NEDD4L: variants seen among roughly 807,000 people sequenced by gnomAD.
The protein encoded by NEDD4L is NEDD4 like E3 ubiquitin protein ligase, also known as E3 ubiquitin-protein ligase NEDD4-like.
Under a neutral mutation model 148.9 loss-of-function variants are expected in NEDD4L, and 54 were observed. That is an observed-to-expected ratio of 0.36 (90% CI 0.29 to 0.45). The LOEUF (loss-of-function observed/expected upper bound fraction) is 0.45, where lower values mean the gene tolerates loss of function less well. NEDD4L is among the 20% of genes least tolerant of loss of function. The pLI, the probability that NEDD4L is intolerant of heterozygous loss-of-function variation, is 1.00. For synonymous variants in NEDD4L, 433 were observed against 440.7 expected (o/e 0.98, Z 0.22); for missense variants, 856 against 1,233.8 (o/e 0.69, Z 4.59).
chr18:58,271,692 A>G (rs2051064049), intron 5 of NEDD4L, among the ~76,000 whole-genome samples: 2 of 152,224 alleles, frequency 1.3e-5, no homozygotes, highest in South Asian at 4.1e-4. Flanking sequence ...TAAGAATTTT[A>G]TCAGCAGTTT....
At chr18:58,281,807 C>A (rs62096364) in intron 5 of NEDD4L, among the ~76,000 whole-genome samples, 1 of 151,700 alleles carries the variant, frequency 6.6e-6, no homozygotes, top group East Asian at 1.9e-4. Context: ...GGGCGGATCA[C>A]GAGGTCAGGA....
At chr18:58,328,607 G>T (rs1378595275) in intron 9 of NEDD4L, among the ~76,000 whole-genome samples, 1 of 152,188 alleles carries the variant, frequency 6.6e-6, no homozygotes, top group East Asian at 1.9e-4. Context: ...ACTTCTAGAA[G>T]GATTGGGACT....
At position 58,140,473 on chromosome 18, in the gene NEDD4L, C is replaced by G. The variant is rs1257150238; in HGVS notation, c.49-25315C>G. Reference sequence around the variant, plus strand: ...CATAGTAATCAGTGGATTCTTTTGTCCATTTCTGAGTGGAGGATTAGCCCT... The same window carrying G: ...CATAGTAATCAGTGGATTCTTTTGTGCATTTCTGAGTGGAGGATTAGCCCT... On this transcript the variant is annotated intron_variant, in intron 1 of 30. Transcript: ENST00000400345. Among the ~76,000 whole-genome samples the G allele has an allele frequency of 1.8e-4, 27 of 151,026 alleles. 1 individual carries two copies. Among genetic ancestry groups the G allele is most frequent in the Non-Finnish European group, 5.9e-5 (4 of 67,872 alleles).
At chr18:58,311,669 G>A (rs150820416) in intron 5 of NEDD4L, among the ~76,000 whole-genome samples, 160 of 152,326 alleles carry the variant, frequency 1.1e-3, no homozygotes, top group African/African-American at 3.7e-3. Context: ...CATCCTTCAA[G>A]TACAGTTCTA....
chr18:58,377,641 A>G (rs1423477759), intron 24 of NEDD4L, among the ~76,000 whole-genome samples: 1 of 152,154 alleles, frequency 6.6e-6, no homozygotes, highest in Non-Finnish European at 1.5e-5. Flanking sequence ...CTGTGCACAC[A>G]TACCTGCCCC....
chr18:58,052,477 CA>C (rs1387898525), intron 1 of NEDD4L, among the ~76,000 whole-genome samples: 1 of 152,090 alleles, frequency 6.6e-6, no homozygotes, highest in East Asian at 1.9e-4. Context: ...TTCAGTCCTG[CA>C]TTGATTCAAA....
intron 1 of NEDD4L, among the ~76,000 whole-genome samples, chr18:58,153,787 C>G (rs1243350667): frequency 6.6e-6 from 1 of 151,990 alleles, no homozygotes; most frequent in Non-Finnish European, 1.5e-5. Context: ...GCTGGGAGTA[C>G]AGGCGCCCGC....
chr18:58,310,756 G>A (rs1022954448), intron 5 of NEDD4L, among the ~76,000 whole-genome samples: 16 of 152,340 alleles, frequency 1.1e-4, no homozygotes, highest in Admixed American at 3.3e-4. Context: ...CAAAGCTGGC[G>A]TCATGCATTA....
intron 1 of NEDD4L, among the ~76,000 whole-genome samples, chr18:58,159,808 T>C (rs1233135586): frequency 2.6e-5 from 4 of 152,200 alleles, no homozygotes; most frequent in Non-Finnish European, 4.4e-5. Flanking sequence ...ATGTGATGGG[T>C]AATAGCTAGA....
chr18:58,379,164 T>A (rs2047987542), intron 24 of NEDD4L, among the ~76,000 whole-genome samples: 1 of 152,210 alleles, frequency 6.6e-6, no homozygotes, highest in Non-Finnish European at 1.5e-5. Flanking sequence ...CAGAGCAGGC[T>A]CTGCAGACTG....
At chr18:58,063,949 C>CTTTTTTTT (rs58608106) in intron 1 of NEDD4L, among the ~76,000 whole-genome samples, 4 of 129,824 alleles carry the variant, frequency 3.1e-5, no homozygotes, top group Non-Finnish European at 4.9e-5. Context: ...TATAATGTTT[C>CTTTTTTTT]TTTTTTTTTT....
At chr18:58,377,282 C>T (rs1222583930) in intron 24 of NEDD4L, among the ~76,000 whole-genome samples, 1 of 152,214 alleles carries the variant, frequency 6.6e-6, no homozygotes. Context: ...GAAGAAAGCC[C>T]ATTCCTCCCC....
chr18:58,384,776 A>C (rs562640196), intron 25 of NEDD4L, among the ~76,000 whole-genome samples: 22 of 152,334 alleles, frequency 1.4e-4, no homozygotes, highest in Non-Finnish European at 2.6e-4. Context: ...GTTGTGCTGC[A>C]GGCTGGTCCT....
chr18:58,341,577 T>C, intron 14 of NEDD4L, 101 bp from the exon 15 acceptor site: 2 of 1,299,052 alleles, frequency 1.5e-6, no homozygotes, highest in Non-Finnish European at 2.1e-6. Flanking sequence ...AGGCCAGACC[T>C]CTTATTATTG....
rs192241765 is a variant in NEDD4L, at chr18:58,357,342, A to C, written c.1767+90A>C. ...TGTATTACTGATAACGGTGATGTCA[A>C]GGGACAACGGTGATTGAGTAGTTGA... is the stretch of plus-strand genomic sequence containing the variant. On this transcript the variant is annotated intron_variant, in intron 19 of 30. Coordinates refer to ENST00000400345, the MANE Select transcript of NEDD4L (RefSeq NM_001144967.3). 4.4e-6 allele frequency: 5 copies of C among 1,128,368 alleles called. No homozygotes were observed. In the Admixed American group the frequency reaches 6.7e-5, roughly 15 times the overall value. The allele number at this position is 1,128,368 out of a possible 1,614,324, so 69.9% of individuals were successfully genotyped here.
chr18:58,198,443 C>A (rs868239618), intron 2 of NEDD4L, among the ~76,000 whole-genome samples: 29 of 152,222 alleles, frequency 1.9e-4, no homozygotes, highest in African/African-American at 7.0e-4. Flanking sequence ...TACTCCCTGG[C>A]CCGAATTTTG....
chr18:58,090,512 T>G (rs1010917959), intron 1 of NEDD4L, among the ~76,000 whole-genome samples: 1 of 152,226 alleles, frequency 6.6e-6, no homozygotes, highest in Non-Finnish European at 1.5e-5. Context: ...GGAGTTTCAC[T>G]CTGTTGCCCA....
At chr18:58,163,431 C>T (rs1448102115) in intron 1 of NEDD4L, among the ~76,000 whole-genome samples, 1 of 152,178 alleles carries the variant, frequency 6.6e-6, no homozygotes, top group Non-Finnish European at 1.5e-5. Context: ...CAGAGCAGTC[C>T]CTGCAGCGCT....
At chr18:58,317,216 G>A (rs921448812) in intron 6 of NEDD4L, among the ~76,000 whole-genome samples, 2 of 152,250 alleles carry the variant, frequency 1.3e-5, no homozygotes, top group South Asian at 2.1e-4. Context: ...AGGGTGCCAC[G>A]GGAGGGGCCT....
Sources: gnomAD v4.1 joint callset for allele counts (sites outside exome capture counted in the v4.1 genomes callset) on GRCh38, gnomAD v4.1.1 for gene constraint, MANE v1.5 for transcripts, NCBI Gene and HGNC (gene_info 2026-07-23, HGNC 2026-07-21) for gene names.